EVL: variants seen among roughly 807,000 people sequenced by gnomAD.
EVL encodes ena/VASP-like protein.
Under a neutral mutation model 59.6 loss-of-function variants are expected in EVL, and 21 were observed. That is an observed-to-expected ratio of 0.35 (90% CI 0.25 to 0.51). The LOEUF is 0.51. Among genes scored for constraint, EVL ranks in the 20% least tolerant of loss-of-function variants. EVL has a pLI of 0.97. For synonymous variants in EVL, 198 were observed against 203.5 expected, an observed-to-expected ratio of 0.97 and a Z score of 0.23; for missense variants, 462 against 546.6, an observed-to-expected ratio of 0.85 and a Z score of 1.54.
chr14:99,983,593 C>T (rs539498788), intron 1 of EVL, among the ~76,000 whole-genome samples: 11 of 152,350 alleles, frequency 7.2e-5, no homozygotes, highest in African/African-American at 2.4e-4. Context: ...CCAGCACTCT[C>T]AACCATTCTC....
chr14:100,083,033 C>T (rs2062346738), intron 1 of EVL, among the ~76,000 whole-genome samples: 1 of 152,212 alleles, frequency 6.6e-6, no homozygotes, highest in African/African-American at 2.4e-5. Context: ...CATTGCCCCT[C>T]ACACAGCACC....
intron 1 of EVL, among the ~76,000 whole-genome samples, chr14:100,055,262 G>A (rs575296164): frequency 6.2e-4 from 94 of 151,098 alleles, no homozygotes; most frequent in Non-Finnish European, 1.2e-3. Flanking sequence ...TCATATAAAT[G>A]TAATCATATA....
At chr14:99,985,210 C>T (rs1405068666) in intron 1 of EVL, among the ~76,000 whole-genome samples, 1 of 151,692 alleles carries the variant, frequency 6.6e-6, no homozygotes, top group Non-Finnish European at 1.5e-5. Flanking sequence ...CTACATAAGC[C>T]TCAAGGAGTT....
At chr14:100,087,855 C>T (rs1363911932) in intron 2 of EVL, among the ~76,000 whole-genome samples, 1 of 152,048 alleles carries the variant, frequency 6.6e-6, no homozygotes, top group Non-Finnish European at 1.5e-5. Flanking sequence ...CTGGAATCTA[C>T]AAGAAGAAGG....
chr14:100,026,989 T>A (rs574674999), intron 1 of EVL, among the ~76,000 whole-genome samples: 3 of 152,098 alleles, frequency 2.0e-5, no homozygotes, highest in Non-Finnish European at 2.9e-5. Context: ...GGAGAGAGAA[T>A]AGAGCAGGTA....
intron 3 of EVL, among the ~76,000 whole-genome samples, chr14:100,098,560 C>T (rs1205930099): frequency 6.6e-6 from 1 of 152,222 alleles, no homozygotes; most frequent in East Asian, 1.9e-4. Context: ...AAAAGTTTCT[C>T]AGCAGGACAG....
intron 11 of EVL, chr14:100,140,268 C>G: frequency 6.6e-6 from 1 of 152,188 alleles, no homozygotes. Flanking sequence ...AAATCGGTTA[C>G]CTTAGTTTGG....
rs1433957733 is a variant in EVL at position 100,108,122 on chromosome 14, A to C, written c.358+10464A>C. On this transcript the variant is annotated intron_variant, in intron 3 of 13. Coordinates refer to ENST00000392920, the MANE Select transcript of EVL (RefSeq NM_016337.3). This position sits in a 1 kb window ranked among gnomAD's most constrained non-coding sequence, Gnocchi z 4.1. ...AGTTTTTCAACCTCTTATGTCCTTC[A>C]TTGATGCCCAGTGGCCCAGGGGCTG... is the stretch of plus-strand genomic sequence containing the variant. 6.6e-6 allele frequency: 1 copy of C among 152,192 alleles called. No homozygotes were observed. The highest frequency in any genetic ancestry group is 1.5e-5 in the Non-Finnish European group (1 of 68,054). 9.4% of individuals were successfully genotyped at this position (152,192 alleles called of 1,614,324 possible). A position where few individuals can be genotyped will look rare whatever the true frequency, so the allele number is the denominator to read the frequency against.
intron 3 of EVL, among the ~76,000 whole-genome samples, chr14:100,111,107 C>A (rs1886947341): frequency 6.6e-6 from 1 of 150,680 alleles, no homozygotes; most frequent in South Asian, 2.1e-4. Context: ...GCTGTGAAAC[C>A]TTGAGCAAGC....
chr14:100,135,028 A>T (rs1888683662), intron 8 of EVL: 1 of 152,264 alleles, frequency 6.6e-6, no homozygotes, highest in Non-Finnish European at 1.5e-5. Flanking sequence ...GTCACCCTGT[A>T]TCGCTTTCAT....
Position 100,109,326 on chromosome 14 carries a change from T to C in EVL, c.358+11668T>C, listed in dbSNP as rs1392676706. On this transcript the variant is annotated intron_variant, in intron 3 of 13. Transcript: ENST00000392920. This position sits in a 1 kb window ranked among gnomAD's most constrained non-coding sequence, Gnocchi z 4.3. ...CTCCTGGTCACCTTCTGCTCATCCTTTGCCCTGCTGTTGTGAAGCCTTCCC... is the reference window on the plus strand; with the variant it reads ...CTCCTGGTCACCTTCTGCTCATCCTCTGCCCTGCTGTTGTGAAGCCTTCCC... 5 of 353,552 alleles carry C rather than the reference T, an allele frequency of 1.4e-5. No homozygotes were observed. The highest frequency in any genetic ancestry group is 1.1e-4 in the African/African-American group (5 of 46,790). 21.9% of individuals were successfully genotyped at this position (353,552 alleles called of 1,614,324 possible).
In EVL at chr14:100,109,506, A is replaced by G; in HGVS notation, c.358+11848A>G. 1 of 459,450 alleles carries G rather than the reference A, an allele frequency of 2.2e-6. No individual in the cohort carries two copies. The highest frequency in any genetic ancestry group is 1.6e-5 in the South Asian group (1 of 62,984). The allele number at this position is 459,450 out of a possible 1,614,324, so 28.5% of individuals were successfully genotyped here. ...GGGAGCCCTGAAGAGAGACTGACACATCAGAGGTGTCTGGTGACTGAACAA... is the reference window on the plus strand; with the variant it reads ...GGGAGCCCTGAAGAGAGACTGACACGTCAGAGGTGTCTGGTGACTGAACAA... On this transcript the variant is annotated intron_variant, in intron 3 of 13. Coordinates refer to ENST00000392920, the MANE Select transcript of EVL (RefSeq NM_016337.3). The surrounding 1 kb of genome is among the most constrained non-coding windows in gnomAD (Gnocchi z 4.3).
intron 1 of EVL, among the ~76,000 whole-genome samples, chr14:100,020,731 A>G (rs2061108841): frequency 1.3e-5 from 2 of 152,222 alleles, no homozygotes; most frequent in Non-Finnish European, 2.9e-5. Context: ...AAGGGAGTAG[A>G]TAAGAGGATC....
intron 2 of EVL, 70 bp downstream of exon 2, chr14:100,084,925 A>G (rs1218190410): frequency 1.3e-6 from 2 of 1,532,098 alleles, no homozygotes; most frequent in Admixed American, 1.8e-5. Flanking sequence ...CCCCTTACAC[A>G]CATGTATCAT....
At chr14:100,142,400 C>T (rs997079049) in intron 13 of EVL, among the ~76,000 whole-genome samples, 1 of 152,202 alleles carries the variant, frequency 6.6e-6, no homozygotes, top group Non-Finnish European at 1.5e-5. Flanking sequence ...TTTGAATGCT[C>T]TGCCTCAGAT....
chr14:100,068,867 G>A (rs1016409229), intron 1 of EVL, among the ~76,000 whole-genome samples: 4 of 152,274 alleles, frequency 2.6e-5, no homozygotes, highest in African/African-American at 7.2e-5. Context: ...CTGAGGTCGC[G>A]GTGCAGCAGC....
chr14:100,017,182 A>C (rs1225867445), intron 1 of EVL, among the ~76,000 whole-genome samples: 1 of 152,208 alleles, frequency 6.6e-6, no homozygotes, highest in Non-Finnish European at 1.5e-5. Flanking sequence ...TATGTGTAAA[A>C]TGAGCTTGGT....
intron 1 of EVL, among the ~76,000 whole-genome samples, chr14:100,000,685 A>G (rs1405897152): frequency 6.6e-6 from 1 of 152,166 alleles, no homozygotes; most frequent in Non-Finnish European, 1.5e-5. Context: ...GCGATCAGGT[A>G]TGCATTTATC....
At chr14:100,064,638 C>T (rs955484324), upstream of EVL, among the ~76,000 whole-genome samples, 80 of 152,314 alleles carry the variant, frequency 5.3e-4, no homozygotes, top group African/African-American at 1.9e-3. Context: ...TGGCCTGGCG[C>T]GGTGGCTCAC....
Sources: gnomAD v4.1 joint callset for allele counts (sites outside exome capture counted in the v4.1 genomes callset) on GRCh38, gnomAD v4.1.1 for gene constraint, Gnocchi (gnomAD v3.1) non-coding constraint, MANE v1.5 for transcripts, NCBI Gene and HGNC (gene_info 2026-07-23, HGNC 2026-07-21) for gene names.